The following SPTBN5 variants were observed in gnomAD, a reference collection of about 807,000 sequenced individuals.
The protein encoded by SPTBN5 is spectrin beta chain, non-erythrocytic 5.
SPTBN5 carries 513 observed loss-of-function variants against 477.6 expected under a neutral mutation model. The observed-to-expected ratio is 1.07, with a 90% confidence interval of 1.00 to 1.16. The LOEUF (loss-of-function observed/expected upper bound fraction) is 1.16. Ranked by LOEUF, SPTBN5 falls within the 50% of genes most tolerant of loss-of-function variation. The pLI is 0.00. For missense variants in SPTBN5, 5,062 were observed against 4,731.8 expected (o/e 1.07, Z -2.05); for synonymous variants, 2,169 against 2,011.7 (o/e 1.08, Z -2.09).
rs775541683 is a variant in SPTBN5, at chr15:41,853,781, GCT to G, written c.9779_9780del (p.Glu3260AlafsTer84). ...GCCACCTCCTTCTCCATAGCTTCCA[GCT>G]CTCTCTGCAACCAGAGCATGAGATC... is the stretch of plus-strand genomic sequence containing the variant. Reference protein sequence around the residue: ...LQQQHRRLERELEAMEKEVAR... With the variant: ...LQQQHRRLERXLEAMEKEVAR... On this transcript the variant is annotated frameshift_variant, in exon 58 of 68. Coordinates refer to ENST00000320955, the MANE Select transcript of SPTBN5 (RefSeq NM_016642.4). LOFTEE classifies it high-confidence loss of function. 6 of 1,562,242 alleles carry G rather than the reference GCT, an allele frequency of 3.8e-6. No individual in the cohort carries two copies. The highest frequency in any genetic ancestry group is 5.2e-6 in the Non-Finnish European group (6 of 1,153,252).
Position 41,856,333 on chromosome 15 carries a change from C to A in SPTBN5, c.9021+53G>T, listed in dbSNP as rs1339647808. ...GCCCCGGAGTGACCTCCCAGCCGCA[C>A]TCGCCCTGTGTTCCAGGCTTGCCTG... On this transcript the variant is annotated intron_variant, in intron 53 of 67. Coordinates refer to ENST00000320955, the MANE Select transcript of SPTBN5 (RefSeq NM_016642.4). 38 of 1,459,312 alleles carry A rather than the reference C, an allele frequency of 2.6e-5. No individual in the cohort carries two copies. In the East Asian group the frequency reaches 9.7e-4, roughly 37 times the overall value. 90.4% of individuals were successfully genotyped at this position (1,459,312 alleles called of 1,614,324 possible).
In SPTBN5 at chr15:41,871,871, C is replaced by G. The variant is rs543773593; in HGVS notation, c.5212G>C (p.Glu1738Gln). The G allele has an allele frequency of 1.3e-5, 20 of 1,586,588 alleles. No homozygotes were observed. Among genetic ancestry groups the G allele is most frequent in the Non-Finnish European group, 1.6e-5 (19 of 1,166,788 alleles). Residue 1738 changes from glutamate (E) to glutamine (Q), a missense_variant, in exon 28 of 68, where the codon GAG (glutamate) becomes CAG (glutamine). Transcript: ENST00000320955. ...GTLRLHEFLREAEDLQGWLAS... is the reference protein window; with the variant it reads ...GTLRLHEFLRQAEDLQGWLAS... The stretch of plus-strand genomic sequence containing the variant: ...AGCCAGCCCTGCAGGTCCTCAGCCT[C>G]CCTCAGGAACTCATGCAGCCTCAGG...
chr15:41,865,687 G>T (rs754048412), intron 39 of SPTBN5, 121 bp downstream of exon 39: 8 of 881,782 alleles, frequency 9.1e-6, no homozygotes, highest in Non-Finnish European at 1.4e-5. Context: ...CTGCCCGAGG[G>T]CATAGGAGGA....
At position 41,868,163 on chromosome 15, in the gene SPTBN5, C is replaced by A. The variant is rs767560432; in HGVS notation, c.6113G>T (p.Trp2038Leu). 1.9e-6 allele frequency: 3 copies of A among 1,588,308 alleles called. No individual in the cohort carries two copies. In the Admixed American group the frequency reaches 5.3e-5, roughly 28 times the overall value. The change falls in exon 34 of 68, where the codon TGG (tryptophan) becomes TTG (leucine). Residue 2038 changes from tryptophan to leucine, a missense_variant. Transcript: ENST00000320955. ...CTGCAGCCTCTCTTGCTTCCGTGCCCAGGTCTGATACACCTGGTCCCGCTG... is the reference window on the plus strand; with the variant it reads ...CTGCAGCCTCTCTTGCTTCCGTGCCAAGGTCTGATACACCTGGTCCCGCTG... ...QDQRDQVYQT[W>L]ARKQERLQAE...
chr15:41,856,721 C>G, intron 52 of SPTBN5, 123 bp from the exon 53 acceptor site: 3 of 1,339,224 alleles, frequency 2.2e-6, no homozygotes, highest in Non-Finnish European at 1.0e-6. Context: ...CCCCATGACT[C>G]CCAAAGAATC....
At position 41,868,058 on chromosome 15, in the gene SPTBN5, A is replaced by G; in HGVS notation, c.6207+11T>C. On this transcript the variant is annotated intron_variant, in intron 34 of 67. Coordinates refer to ENST00000320955, the MANE Select transcript of SPTBN5 (RefSeq NM_016642.4). Reference sequence around the variant, plus strand: ...AGGCTGAGCGGAGTGTGAGGGCGGGAGGGGACCTGCCTCCTGGGCCGCGAG... The same window carrying G: ...AGGCTGAGCGGAGTGTGAGGGCGGGGGGGGACCTGCCTCCTGGGCCGCGAG... The G allele has an allele frequency of 6.3e-7, 1 of 1,595,578 alleles. No homozygotes were observed. The highest frequency in any genetic ancestry group is 8.5e-7 in the Non-Finnish European group (1 of 1,175,436).
At position 41,871,853 on chromosome 15, in the gene SPTBN5, C is replaced by T. The variant is rs201503588; in HGVS notation, c.5230G>A (p.Gly1744Ser). ...GCCTGCTTCTGGCTTGCCAGCCAGC[C>T]CTGCAGGTCCTCAGCCTCCCTCAGG... ...EFLREAEDLQ[G>S]WLASQKQAAK... Residue 1744 changes from glycine (G) to serine (S), a missense_variant, in exon 28 of 68, where the codon GGC becomes AGC. Gly to Ser is a moderately conservative substitution (Grantham distance 56, BLOSUM62 0). Coordinates refer to ENST00000320955, the MANE Select transcript of SPTBN5 (RefSeq NM_016642.4). 6 of 1,587,570 alleles carry T rather than the reference C, an allele frequency of 3.8e-6. 1 individual carries two copies. The highest frequency in any genetic ancestry group is 4.3e-6 in the Non-Finnish European group (5 of 1,167,562).
At position 41,854,128 on chromosome 15, in the gene SPTBN5, C is replaced by A. The variant is rs747439250; in HGVS notation, c.9696G>T (p.Thr3232=). 75 of 1,591,340 alleles carry A rather than the reference C, an allele frequency of 4.7e-5. No individual in the cohort carries two copies. In the South Asian group the frequency reaches 8.0e-4, roughly 17 times the overall value. Reference sequence around the variant, plus strand: ...CTCCGTCCTCCCCCTTCATCAGGGCCGTCTTCTCCTGCATCCTTCCCTGGA... The same window carrying A: ...CTCCGTCCTCCCCCTTCATCAGGGCAGTCTTCTCCTGCATCCTTCCCTGGA... ...AELQGRMQEK[T]ALMKGEDGGH... is the part of the protein sequence containing the mutation. Residue 3232 remains threonine (T), a synonymous_variant, in exon 57 of 68, where the codon ACG becomes ACT. Coordinates refer to ENST00000320955, the MANE Select transcript of SPTBN5 (RefSeq NM_016642.4).
rs2066613169 is a variant in SPTBN5 at position 41,873,523 on chromosome 15, G to C, written c.4976C>G (p.Ala1659Gly). The C allele has an allele frequency of 1.3e-6, 2 of 1,551,668 alleles. No homozygotes were observed. The highest frequency in any genetic ancestry group is 1.4e-5 in the African/African-American group (1 of 73,018). The change falls in exon 26 of 68, where the codon GCA becomes GGA. Residue 1659 changes from alanine (A) to glycine (G), a missense_variant. Ala to Gly is a moderately conservative substitution (Grantham distance 60). Coordinates refer to ENST00000320955, the MANE Select transcript of SPTBN5 (RefSeq NM_016642.4). Reference sequence around the variant, plus strand: ...CTTGTTAATGAGCCTGAGGGTGGCTGCCTCGTCTCTGCCATAGTCCCGACT... The same window carrying C: ...CTTGTTAATGAGCCTGAGGGTGGCTCCCTCGTCTCTGCCATAGTCCCGACT... ...VSSRDYGRDE[A>G]ATLRLINKHQ...
chr15:41,879,235 A>C, intron 16 of SPTBN5, 25 bp downstream of exon 16: 4 of 1,590,298 alleles, frequency 2.5e-6, no homozygotes, highest in Non-Finnish European at 3.4e-6. Context: ...ACTGCCTCCC[A>C]ATGCCACCAC....
chr15:41,851,446 G>C, intron 63 of SPTBN5, 77 bp from the exon 64 acceptor site: 1 of 1,070,990 alleles, frequency 9.3e-7, no homozygotes. Flanking sequence ...GCCTCACCAT[G>C]TGTGTGGAGC....
intron 49 of SPTBN5, 73 bp from the exon 50 acceptor site, chr15:41,857,783 C>A (rs1044060730): frequency 2.7e-6 from 4 of 1,492,206 alleles, no homozygotes; most frequent in South Asian, 1.2e-5. Context: ...TTGACTCTGA[C>A]CACCAGCACT....
At chr15:41,850,427 A>G (rs546846322) in intron 66 of SPTBN5, 66 of 226,786 alleles carry the variant, frequency 2.9e-4, no homozygotes, top group Admixed American at 1.9e-3. Context: ...TGGCTTGCTT[A>G]CTGTCTGCAA....
Position 41,886,065 on chromosome 15 carries a change from G to T in SPTBN5, c.1190C>A (p.Ser397Tyr). Residue 397 changes from serine (S) to tyrosine (Y), a missense_variant, in exon 7 of 68, where the codon TCC becomes TAC. Ser to Tyr is a moderately radical substitution (Grantham distance 144). Coordinates refer to ENST00000320955, the MANE Select transcript of SPTBN5 (RefSeq NM_016642.4). ...CCACTCCAGCCCTGCCCAGCACTGG[G>T]ACAGCTCTGCAAGGCCCAGGCCCTC... The part of the protein sequence containing the change: ...PHEGLGLAEL[S>Y]QCWAGLEWAE... The T allele has an allele frequency of 6.3e-7, 1 of 1,594,214 alleles. No homozygotes were observed. Among genetic ancestry groups the T allele is most frequent in the East Asian group, 2.3e-5 (1 of 44,016 alleles).
chr15:41,874,560 G>T, intron 23 of SPTBN5, 82 bp from the exon 24 acceptor site: 1 of 1,228,822 alleles, frequency 8.1e-7, no homozygotes, highest in Non-Finnish European at 1.1e-6. Context: ...CCAAGCCAGG[G>T]CCCGTGAAGA....
In SPTBN5 at chr15:41,852,240, C is replaced by T; in HGVS notation, c.10526G>A (p.Trp3509Ter). Residue 3509 changes from tryptophan (W) to a stop codon, truncating the protein, a stop_gained, in exon 62 of 68, where the codon TGG becomes TAG. Coordinates refer to ENST00000320955, the MANE Select transcript of SPTBN5 (RefSeq NM_016642.4). LOFTEE classifies it high-confidence loss of function. ...TAGCCCCTGGTGTCCAGAGGGCCTC[C>T]ACTGAAAGGATGTCAGCGAGCTGCC... ...RAGSSLTSFQWRPSGHQGLGA... is the reference protein window; with the variant it reads ...RAGSSLTSFQ 2.5e-6 allele frequency: 4 copies of T among 1,611,254 alleles called. No individual in the cohort carries two copies. Among genetic ancestry groups the T allele is most frequent in the Non-Finnish European group, 3.4e-6 (4 of 1,178,814 alleles).
Position 41,876,660 on chromosome 15 carries a change from G to GT in SPTBN5, c.3852-14_3852-13insA, listed in dbSNP as rs779447191. On this transcript the variant is annotated splice_polypyrimidine_tract_variant and intron_variant, in intron 19 of 67. Transcript: ENST00000320955. The stretch of plus-strand genomic sequence containing the variant: ...CTGCTCTCTGACCCTGGAGGGCGGG[G>GT]GGGGGTTGGAGGAGGGCATGGGAGA... 5 of 1,453,762 alleles carry GT rather than the reference G, an allele frequency of 3.4e-6. No homozygotes were observed. The African/African-American group carries it at 5.9e-5, about 17-fold the overall frequency. 90.1% of individuals were successfully genotyped at this position (1,453,762 alleles called of 1,614,324 possible).
chr15:41,863,736 G>T lies in SPTBN5; in HGVS notation c.7117C>A (p.Leu2373Met), dbSNP rs1287050129. The T allele has an allele frequency of 1.9e-6, 3 of 1,613,516 alleles. No individual in the cohort carries two copies. Among genetic ancestry groups the T allele is most frequent in the Admixed American group, 3.3e-5 (2 of 60,010 alleles). ...ALEIHVLSRE[L>M]DNVTKRIQEK... The stretch of plus-strand genomic sequence containing the variant: ...TGAATCCTCTTGGTGACATTGTCCA[G>T]CTCTCGGGACAACACGTGTATCTCC... Residue 2373 changes from leucine (L) to methionine (M), a missense_variant, in exon 41 of 68, where the codon CTG (leucine) becomes ATG (methionine). Physicochemically the swap from Leu to Met is conservative, Grantham distance 15 (BLOSUM62 2). Transcript: ENST00000320955.
rs775461896 is a variant in SPTBN5, at chr15:41,852,669, G to A, written c.10414C>T (p.Gln3472Ter). The A allele has an allele frequency of 1.2e-5, 19 of 1,613,514 alleles. No individual in the cohort carries two copies. The highest frequency in any genetic ancestry group is 1.5e-5 in the Non-Finnish European group (18 of 1,179,896). ...TGCATTTGGGCAAACTTCTCTTCCT[G>A]GGCTGCCAGCAGCTTTTCTAAGTCC... ...HQDLEKLLAA[Q>*]EEKFAQMQKT... is the part of the protein sequence containing the mutation. The change falls in exon 61 of 68, where the codon CAG becomes TAG. Residue 3472 changes from glutamine to a stop codon, truncating the protein, a stop_gained. Transcript: ENST00000320955. LOFTEE classifies it high-confidence loss of function.
Sources: allele counts gnomAD v4.1 joint callset, GRCh38; gene constraint gnomAD v4.1.1; transcripts MANE v1.5; gene names NCBI Gene and HGNC (gene_info 2026-07-23, HGNC 2026-07-21).